The following DOCK10 variants were observed in gnomAD, a reference collection of about 807,000 sequenced individuals.
DOCK10 encodes dedicator of cytokinesis 10, also known as dedicator of cytokinesis protein 10.
In DOCK10, 145 loss-of-function variants were observed where a neutral mutation model predicts 280.1. The ratio of observed to expected loss-of-function variants is 0.52; its 90% CI spans 0.45 to 0.59. The LOEUF (loss-of-function observed/expected upper bound fraction) is 0.59. Ranked by LOEUF, DOCK10 falls within the 20% of genes least tolerant of loss-of-function variation. The probability of loss-of-function intolerance (pLI) is 0.00; values close to 1 mark genes in which losing one functional copy is unlikely to be tolerated. For missense variants in DOCK10, 2,368 were observed against 2,651.7 expected (o/e 0.89, Z 2.35); for synonymous variants, 915 against 942.2 (o/e 0.97, Z 0.53).
intron 1 of DOCK10, among the ~76,000 whole-genome samples, chr2:225,012,880 T>C (rs1488684569): frequency 6.6e-6 from 1 of 152,208 alleles, no homozygotes; most frequent in East Asian, 1.9e-4. Context: ...CTAATATTCA[T>C]AAGCCTTAGT....
chr2:224,842,679 T>C (rs1157890011), intron 22 of DOCK10, among the ~76,000 whole-genome samples: 1 of 152,178 alleles, frequency 6.6e-6, no homozygotes, highest in African/African-American at 2.4e-5. Flanking sequence ...TATCAATTCA[T>C]TGATTCGTCT....
chr2:224,933,395 G>T (rs888422977), intron 1 of DOCK10, among the ~76,000 whole-genome samples: 2 of 152,142 alleles, frequency 1.3e-5, no homozygotes, highest in African/African-American at 4.8e-5. Context: ...AATTGGCTTT[G>T]AATGTCTTTA....
At chr2:224,857,060 A>ATTTAT in intron 14 of DOCK10, 78 bp from the exon 15 acceptor site, 1 of 1,197,504 alleles carries the variant, frequency 8.4e-7, no homozygotes, top group Non-Finnish European at 1.1e-6. Context: ...TATATTAATT[A>ATTTAT]AACTTCTCAT....
intron 3 of DOCK10, among the ~76,000 whole-genome samples, chr2:224,916,155 G>A (rs1439060682): frequency 3.3e-5 from 5 of 152,220 alleles, no homozygotes; most frequent in African/African-American, 1.2e-4. Context: ...CAGCACTTTG[G>A]GAGGCCAAGG....
chr2:224,924,497 G>A (rs578002170), intron 2 of DOCK10, among the ~76,000 whole-genome samples: 6 of 152,214 alleles, frequency 3.9e-5, no homozygotes, highest in Admixed American at 2.0e-4. Flanking sequence ...TATATTCAAG[G>A]TTGATCTAAA....
chr2:224,886,119 C>T lies in DOCK10; in HGVS notation c.556G>A (p.Gly186Ser), dbSNP rs776429569. The part of the protein sequence containing the change: ...GAGGTGVFKS[G>S]WLYKGNFNST... The stretch of plus-strand genomic sequence containing the variant: ...TTAAAATTCCCCTTGTAGAGCCAGC[C>T]GGACTTGAAAACACCAGTTCCTCCC... The change falls in exon 6 of 56, where the codon GGC becomes AGC. Residue 186 changes from glycine (G) to serine (S), a missense_variant. Around this residue, in one of 2 missense-constraint regions of DOCK10, gnomAD observed 1,209 missense variants for 1,250.9 expected, o/e 0.97. Transcript: ENST00000258390. 32 of 1,613,636 alleles carry T rather than the reference C, an allele frequency of 2.0e-5. No individual in the cohort carries two copies. The highest frequency in any genetic ancestry group is 1.3e-4 in the South Asian group (12 of 91,054).
chr2:224,894,346 C>G (rs1327575295), intron 4 of DOCK10, among the ~76,000 whole-genome samples: 1 of 152,096 alleles, frequency 6.6e-6, no homozygotes, highest in East Asian at 1.9e-4. Context: ...GAAAGATGAA[C>G]AGTGTTTGGG....
At chr2:224,831,924 G>C (rs1574901695) in intron 26 of DOCK10, among the ~76,000 whole-genome samples, 1 of 152,242 alleles carries the variant, frequency 6.6e-6, no homozygotes, top group East Asian at 1.9e-4. Flanking sequence ...GGGGAGGTAG[G>C]GGCTCCTGGT....
At chr2:225,023,886 C>T (rs538542404) in intron 1 of DOCK10, among the ~76,000 whole-genome samples, 4 of 152,274 alleles carry the variant, frequency 2.6e-5, no homozygotes, top group South Asian at 2.1e-4. Flanking sequence ...GAAGATCTCC[C>T]ACAAGTTAAT....
At chr2:224,947,622 T>C (rs1233009947) in intron 1 of DOCK10, among the ~76,000 whole-genome samples, 1 of 152,246 alleles carries the variant, frequency 6.6e-6, no homozygotes, top group Non-Finnish European at 1.5e-5. Flanking sequence ...TACAAAGAGC[T>C]ACAGAGTTAG....
At chr2:224,844,976 A>C in intron 21 of DOCK10, 137 bp from the exon 22 acceptor site, 1 of 812,776 alleles carries the variant, frequency 1.2e-6, no homozygotes, top group Non-Finnish European at 2.0e-6. Flanking sequence ...AAAGATGCAA[A>C]TACATTTAGC....
At chr2:224,982,645 C>A (rs1170383307) in intron 1 of DOCK10, 1 of 421,578 alleles carries the variant, frequency 2.4e-6, no homozygotes, top group Non-Finnish European at 3.2e-6. Flanking sequence ...CTGTTCATTA[C>A]AATGAAGCTC....
intron 41 of DOCK10, 83 bp downstream of exon 41, chr2:224,800,065 TAAA>T (rs77823647): frequency 0.17 from 123,017 of 742,040 alleles, 12,314 homozygotes; most frequent in African/African-American, 0.42. Flanking sequence ...CATAAATAAT[TAAA>T]AAAAACCATG....
chr2:224,983,794 C>A, intron 1 of DOCK10: 1 of 470,962 alleles, frequency 2.1e-6, no homozygotes, highest in Non-Finnish European at 4.4e-6. Context: ...CTGTTTTGAG[C>A]AAACATATTT....
intron 1 of DOCK10, chr2:224,946,859 G>A: frequency 3.2e-6 from 5 of 1,543,066 alleles, no homozygotes; most frequent in Non-Finnish European, 4.4e-6. Context: ...AACTAAATCT[G>A]TGGATTTCTT....
intron 25 of DOCK10, among the ~76,000 whole-genome samples, chr2:224,835,402 G>T (rs976562165): frequency 6.6e-6 from 1 of 152,140 alleles, no homozygotes; most frequent in African/African-American, 2.4e-5. Context: ...AATTAGACTG[G>T]CTTTAGACAC....
chr2:224,811,960 G>T (rs1693813823), intron 31 of DOCK10, among the ~76,000 whole-genome samples: 1 of 152,132 alleles, frequency 6.6e-6, no homozygotes. Context: ...GATTGACTTG[G>T]CAATGTGGGC....
intron 45 of DOCK10, 93 bp downstream of exon 45, chr2:224,794,786 C>T: frequency 8.3e-7 from 1 of 1,212,098 alleles, no homozygotes; most frequent in Non-Finnish European, 1.2e-6. Context: ...AAAAACATGG[C>T]ATCCTTTTCT....
At chr2:224,991,083 C>G (rs1204826657) in intron 1 of DOCK10, among the ~76,000 whole-genome samples, 1 of 152,208 alleles carries the variant, frequency 6.6e-6, no homozygotes, top group East Asian at 1.9e-4. Context: ...CCAATTTCTA[C>G]TGGAAGGATG....
Sources: allele counts gnomAD v4.1 joint callset (sites outside exome capture counted in the v4.1 genomes callset), GRCh38; gene constraint gnomAD v4.1.1; regional missense constraint gnomAD v4.1.1; transcripts MANE v1.5; gene names NCBI Gene and HGNC (gene_info 2026-07-23, HGNC 2026-07-21).